Variants in ANO4 observed in about 807,000 individuals in gnomAD.
The protein encoded by ANO4 is anoctamin-4.
A neutral mutation model predicts 141.9 loss-of-function variants in ANO4; 69 were observed. The observed-to-expected ratio is 0.49, with a 90% CI of 0.40 to 0.59. The LOEUF (loss-of-function observed/expected upper bound fraction) is 0.59. ANO4 is among the 20% of genes least tolerant of loss of function. ANO4 has a pLI of 0.00. For missense variants in ANO4, 894 were observed against 1,162.2 expected (o/e 0.77, Z 3.36); for synonymous variants, 350 against 394.3 (o/e 0.89, Z 1.33).
At chr12:100,788,582 T>C (rs2033944117) in intron 3 of ANO4, among the ~76,000 whole-genome samples, 1 of 152,244 alleles carries the variant, frequency 6.6e-6, no homozygotes, top group Admixed American at 6.5e-5. Context: ...ATCTCCTTGA[T>C]TTCATTCCTA....
At position 101,111,640 on chromosome 12, in the gene ANO4, G is replaced by A; in HGVS notation, c.2380G>A (p.Asp794Asn). The change falls in exon 24 of 28, where the codon GAC becomes AAC. Residue 794 changes from aspartate (D) to asparagine (N), a missense_variant. This residue lies in a region of ANO4 where 637 missense variants were observed against 909.2 expected (regional missense o/e 0.70). Transcript: ENST00000392977. The part of the protein sequence containing the change: ...TNAFVIAITS[D>N]FIPRLVYAYK... ...TGCATTTGTCATAGCGATAACATCT[G>A]ACTTTATCCCTCGCTTGGTGTATGC... The A allele has an allele frequency of 6.2e-7, 1 of 1,613,162 alleles. No homozygotes were observed. The highest frequency in any genetic ancestry group is 8.5e-7 in the Non-Finnish European group (1 of 1,179,590).
intron 3 of ANO4, among the ~76,000 whole-genome samples, chr12:100,752,116 G>A (rs1221453596): frequency 6.6e-6 from 1 of 152,110 alleles, no homozygotes; most frequent in Non-Finnish European, 1.5e-5. Context: ...TAAAATGTTA[G>A]CGAAAGCTAC....
chr12:101,019,873 A>G (rs555807537), intron 8 of ANO4, among the ~76,000 whole-genome samples, 161 bp from the exon 9 acceptor site: 3 of 152,292 alleles, frequency 2.0e-5, no homozygotes, highest in Non-Finnish European at 4.4e-5. Context: ...CTATGAGCCT[A>G]CTATCCTGGT....
intron 5 of ANO4, among the ~76,000 whole-genome samples, chr12:100,957,580 C>A (rs966394677): frequency 1.3e-5 from 2 of 152,126 alleles, no homozygotes; most frequent in South Asian, 2.1e-4. Flanking sequence ...ATTATCCCAA[C>A]CATTTTTTAA....
intron 3 of ANO4, among the ~76,000 whole-genome samples, chr12:100,749,157 A>C (rs962674858): frequency 1.3e-5 from 2 of 152,164 alleles, no homozygotes; most frequent in Non-Finnish European, 2.9e-5. Flanking sequence ...AGCTGGGGGT[A>C]AATGTCTCCT....
chr12:101,116,306 T>C (rs1389788217), intron 24 of ANO4, among the ~76,000 whole-genome samples: 2 of 152,218 alleles, frequency 1.3e-5, no homozygotes, highest in Admixed American at 1.3e-4. Flanking sequence ...AGAATATCTA[T>C]AAATATATAT....
At chr12:100,806,067 G>A (rs939959838) in intron 1 of ANO4, among the ~76,000 whole-genome samples, 4 of 152,186 alleles carry the variant, frequency 2.6e-5, no homozygotes, top group Admixed American at 6.5e-5. Context: ...GGTGTGTAGT[G>A]TAGACAGGCT....
At chr12:100,944,210 C>T (rs919951857) in intron 5 of ANO4, among the ~76,000 whole-genome samples, 1 of 152,066 alleles carries the variant, frequency 6.6e-6, no homozygotes, top group African/African-American at 2.4e-5. Context: ...TGTTGTGTAT[C>T]CTAAAGCATC....
intron 3 of ANO4, among the ~76,000 whole-genome samples, chr12:100,748,429 C>T (rs1230435922): frequency 6.6e-6 from 1 of 152,192 alleles, no homozygotes; most frequent in Non-Finnish European, 1.5e-5. Flanking sequence ...GCTTGCACAC[C>T]ATGTGCCCAG....
chr12:100,867,896 T>C (rs1183525141), intron 1 of ANO4, among the ~76,000 whole-genome samples: 1 of 152,158 alleles, frequency 6.6e-6, no homozygotes, highest in Admixed American at 6.5e-5. Context: ...CCTCATGCAA[T>C]GAATCAGTAA....
At chr12:100,904,423 G>A (rs2040743350) in intron 2 of ANO4, among the ~76,000 whole-genome samples, 1 of 152,120 alleles carries the variant, frequency 6.6e-6, no homozygotes, top group African/African-American at 2.4e-5. Context: ...GAAGAGGGTA[G>A]CATGTTGCAA....
chr12:101,103,183 T>TTATATATATATATATA (rs71091476), intron 22 of ANO4, among the ~76,000 whole-genome samples: 2 of 18,600 alleles, frequency 1.1e-4, no homozygotes, highest in Admixed American at 7.7e-4. Context: ...TTTAGTCATT[T>TTATATATATATATATA]TATATATATA....
At chr12:101,068,360 G>T in intron 14 of ANO4, 2 of 1,091,982 alleles carry the variant, frequency 1.8e-6, no homozygotes, top group Non-Finnish European at 2.8e-6. Flanking sequence ...AGAAGGTAAA[G>T]GGTCTTTGAC....
chr12:100,791,483 TC>T (rs2034045852), upstream of ANO4, among the ~76,000 whole-genome samples: 2 of 152,170 alleles, frequency 1.3e-5, no homozygotes, highest in South Asian at 4.1e-4. Flanking sequence ...CAAATACAAA[TC>T]ATTTTCTCTT....
chr12:101,058,749 A>G (rs563168859), intron 14 of ANO4, among the ~76,000 whole-genome samples: 4 of 152,290 alleles, frequency 2.6e-5, no homozygotes, highest in African/African-American at 7.2e-5. Flanking sequence ...TTACCAGCTT[A>G]AGGAGATTTG....
chr12:100,959,750 C>T (rs1229068786), intron 5 of ANO4, among the ~76,000 whole-genome samples: 2 of 152,122 alleles, frequency 1.3e-5, no homozygotes, highest in African/African-American at 4.8e-5. Context: ...GGCTCTTTCT[C>T]AATCCCCTTT....
chr12:100,924,792 G>T (rs1346237243), intron 3 of ANO4, among the ~76,000 whole-genome samples: 1 of 151,978 alleles, frequency 6.6e-6, no homozygotes, highest in African/African-American at 2.4e-5. Flanking sequence ...AGTGCTAGAG[G>T]TGAACTTAAA....
At chr12:100,983,248 C>G (rs1398750469) in intron 7 of ANO4, among the ~76,000 whole-genome samples, 1 of 152,152 alleles carries the variant, frequency 6.6e-6, no homozygotes, top group African/African-American at 2.4e-5. Flanking sequence ...ACAGTGGGAG[C>G]CTGGCTAGCT....
At chr12:100,806,678 G>A (rs996813210) in intron 1 of ANO4, among the ~76,000 whole-genome samples, 8 of 151,374 alleles carry the variant, frequency 5.3e-5, no homozygotes, top group Non-Finnish European at 1.0e-4. Context: ...CTGAGTAGCT[G>A]AGATTACAGG....
Sources: allele counts gnomAD v4.1 joint callset (sites outside exome capture counted in the v4.1 genomes callset), GRCh38; gene constraint gnomAD v4.1.1; regional missense constraint gnomAD v4.1.1; transcripts MANE v1.5; gene names NCBI Gene and HGNC (gene_info 2026-07-23, HGNC 2026-07-21).